The following SPTA1 variants were observed in gnomAD, a reference collection of about 807,000 sequenced individuals.
The protein encoded by SPTA1 is spectrin alpha, erythrocytic 1.
Under a neutral mutation model 324.7 loss-of-function variants are expected in SPTA1, and 177 were observed. That is an observed-to-expected ratio of 0.55 (90% CI 0.48 to 0.62). The LOEUF is 0.62. Ranked by LOEUF, SPTA1 falls within the 20% of genes least tolerant of loss-of-function variation. SPTA1 has a pLI of 0.00. For missense variants in SPTA1, 3,162 were observed against 2,883.6 expected, an observed-to-expected ratio of 1.10 and a Z score of -2.21; for synonymous variants, 1,195 against 1,041.3, an observed-to-expected ratio of 1.15 and a Z score of -2.84.
chr1:158,613,661 T>C, intron 50 of SPTA1, 60 bp downstream of exon 50: 1 of 1,609,040 alleles, frequency 6.2e-7, no homozygotes, highest in Non-Finnish European at 8.5e-7. Flanking sequence ...TTTTACTCTC[T>C]GTGCTTCTCC....
Position 158,614,308 on chromosome 1 carries a change from T to TTA in SPTA1, c.6789-3_6789-2insTA. ...TCTTCACTCACACCTTTGATGTCCC[T>TTA]GAAAGAAAAAAAAAAAACATGAATT... On this transcript the variant is annotated splice_polypyrimidine_tract_variant and splice_region_variant and intron_variant, in intron 48 of 51. Transcript: ENST00000643759. The TTA allele has an allele frequency of 6.5e-7, 1 of 1,536,508 alleles. No individual in the cohort carries two copies.
rs1217306214 is a variant in SPTA1, at chr1:158,639,852, G to A, written c.4875+18C>T. Reference sequence around the variant, plus strand: ...TGTATTAAACTCTTGTGTCTCTACTGTTTCCGGGTGCAATTACCTCTGAGA... The same window carrying A: ...TGTATTAAACTCTTGTGTCTCTACTATTTCCGGGTGCAATTACCTCTGAGA... On this transcript the variant is annotated intron_variant, in intron 34 of 51. Coordinates refer to ENST00000643759, the MANE Select transcript of SPTA1 (RefSeq NM_003126.4). 6.2e-7 allele frequency: 1 copy of A among 1,613,816 alleles called. No individual in the cohort carries two copies. The highest frequency in any genetic ancestry group is 1.3e-5 in the African/African-American group (1 of 74,904).
chr1:158,648,762 A>AC (rs939554198), intron 25 of SPTA1, 109 bp from the exon 26 acceptor site: 58 of 1,001,458 alleles, frequency 5.8e-5, no homozygotes, highest in African/African-American at 4.1e-4. Context: ...CCTCCCACCC[A>AC]CCCCCCCACC....
chr1:158,617,458 T>G lies in SPTA1; in HGVS notation c.6600+79A>C, dbSNP rs1475088050. On this transcript the variant is annotated intron_variant, in intron 47 of 51. Transcript: ENST00000643759. ...GTGATACATACCTAAAAGTATCACC[T>G]GGGCTTCCCTTAGGTGATTATTTTT... The G allele has an allele frequency of 2.5e-6, 3 of 1,209,750 alleles. No homozygotes were observed. In the African/African-American group the frequency reaches 4.5e-5, roughly 18 times the overall value. The allele number at this position is 1,209,750 out of a possible 1,614,324, so 74.9% of individuals were successfully genotyped here. A position where few individuals can be genotyped will look rare whatever the true frequency, so the allele number is the denominator to read the frequency against.
intron 27 of SPTA1, among the ~76,000 whole-genome samples, chr1:158,645,933 T>C (rs1028648983): frequency 6.6e-6 from 1 of 152,216 alleles, no homozygotes; most frequent in African/African-American, 2.4e-5. Context: ...AGCAGACATC[T>C]TCAATAAAAC....
chr1:158,611,069 T>C lies in SPTA1; in HGVS notation c.*195A>G. 2.8e-6 allele frequency: 2 copies of C among 719,008 alleles called. No homozygotes were observed. Among genetic ancestry groups the C allele is most frequent in the South Asian group, 3.5e-5 (2 of 57,022 alleles). The allele number at this position is 719,008 out of a possible 1,614,324, so 44.5% of individuals were successfully genotyped here. A position where few individuals can be genotyped will look rare whatever the true frequency, so the allele number is the denominator to read the frequency against. On this transcript the variant is annotated 3_prime_UTR_variant, in exon 52 of 52. Coordinates refer to ENST00000643759, the MANE Select transcript of SPTA1 (RefSeq NM_003126.4). ...ACTCCTCCAACTCTATTAACCTTTC[T>C]ATCTCCCACCCTTGAGATTTTTTAA... is the stretch of plus-strand genomic sequence containing the variant.
chr1:158,673,314 G>A (rs1329356336), intron 10 of SPTA1, among the ~76,000 whole-genome samples: 2 of 152,278 alleles, frequency 1.3e-5, no homozygotes, highest in South Asian at 2.1e-4. Context: ...AGTGCTAGAG[G>A]CTGTGCTTGG....
In SPTA1 at chr1:158,636,832, T is replaced by A. The variant is rs1188135167; in HGVS notation, c.5190-71A>T. ...ATGTCATCCTACAGCAATAGCTTTCTATGACTATGTGTGTGGCTGGTGGTG... is the reference window on the plus strand; with the variant it reads ...ATGTCATCCTACAGCAATAGCTTTCAATGACTATGTGTGTGGCTGGTGGTG... On this transcript the variant is annotated intron_variant, in intron 36 of 51. Transcript: ENST00000643759. The A allele has an allele frequency of 2.5e-6, 4 of 1,607,622 alleles. No individual in the cohort carries two copies. In the East Asian group the frequency reaches 8.9e-5, roughly 36 times the overall value.
chr1:158,666,271 A>G (rs1226849028), intron 16 of SPTA1, 45 bp downstream of exon 16: 1 of 1,604,674 alleles, frequency 6.2e-7, no homozygotes, highest in East Asian at 2.2e-5. Flanking sequence ...TGCTCAGAGC[A>G]TATACACCCA....
chr1:158,686,642 G>GAAAA lies in SPTA1; in HGVS notation c.-129_-126dup. 2 of 559,026 alleles carry GAAAA rather than the reference G, an allele frequency of 3.6e-6. No homozygotes were observed. Among genetic ancestry groups the GAAAA allele is most frequent in the Non-Finnish European group, 3.2e-6 (1 of 312,094 alleles). The allele number at this position is 559,026 out of a possible 1,614,324, so 34.6% of individuals were successfully genotyped here. A position where few individuals can be genotyped will look rare whatever the true frequency, so the allele number is the denominator to read the frequency against. On this transcript the variant is annotated 5_prime_UTR_variant, in exon 1 of 52. The change creates a premature stop within an existing upstream ORF in the 5' untranslated region. Coordinates refer to ENST00000643759, the MANE Select transcript of SPTA1 (RefSeq NM_003126.4). ...ATATAGAAACGTTAAGTATGTGGGG[G>GAAAA]AAAAAAAAAAACCTCTTGCTTGGTC...
At chr1:158,627,327 A>T (rs1190497540) in intron 40 of SPTA1, among the ~76,000 whole-genome samples, 1 of 152,224 alleles carries the variant, frequency 6.6e-6, no homozygotes. Context: ...TTCTATGGCC[A>T]AAGCTAGTGA....
intron 10 of SPTA1, among the ~76,000 whole-genome samples, chr1:158,674,068 C>T (rs970438581): frequency 1.3e-5 from 2 of 152,120 alleles, no homozygotes; most frequent in African/African-American, 2.4e-5. Context: ...GGAGAATGTA[C>T]ATGCATCGTA....
chr1:158,644,342 A>T lies in SPTA1; in HGVS notation c.4249T>A (p.Ser1417Thr). Residue 1417 changes from serine to threonine, a missense_variant, in exon 30 of 52, where the codon TCC becomes ACC. By Grantham distance (58) the Ser-to-Thr change is moderately conservative. Transcript: ENST00000643759. Reference protein sequence around the residue: ...VESWMVARENSLRSDDKSSLD... With the variant: ...VESWMVARENTLRSDDKSSLD... Reference sequence around the variant, plus strand: ...GAACTTTTGTCATCTGACCTCAGGGAATTCTCACGTGCCACCATCCAGCTC... The same window carrying T: ...GAACTTTTGTCATCTGACCTCAGGGTATTCTCACGTGCCACCATCCAGCTC... 6.2e-7 allele frequency: 1 copy of T among 1,613,880 alleles called. No individual in the cohort carries two copies. The highest frequency in any genetic ancestry group is 8.5e-7 in the Non-Finnish European group (1 of 1,179,902).
At chr1:158,612,724 G>T in intron 51 of SPTA1, 93 bp downstream of exon 51, 3 of 1,401,458 alleles carry the variant, frequency 2.1e-6, no homozygotes, top group East Asian at 2.3e-5. Flanking sequence ...AAAAACAAGT[G>T]GGTGGGTTTT....
At position 158,640,002 on chromosome 1, in the gene SPTA1, T is replaced by C; in HGVS notation, c.4743A>G (p.Gln1581=). 1 of 1,613,836 alleles carries C rather than the reference T, an allele frequency of 6.2e-7. No individual in the cohort carries two copies. The highest frequency in any genetic ancestry group is 1.1e-5 in the South Asian group (1 of 91,082). The change falls in exon 34 of 52, where the codon CAA becomes CAG. Residue 1581 remains glutamine, a synonymous_variant. Transcript: ENST00000643759. Reference sequence around the variant, plus strand: ...CCCAATGTTCCTTCAGCTGTTCCAGTTGCTCCTAACCCAAGGAGAGTGAGG... The same window carrying C: ...CCCAATGTTCCTTCAGCTGTTCCAGCTGCTCCTAACCCAAGGAGAGTGAGG... ...CDGNEEAMKE[Q]LEQLKEHWDH...
intron 24 of SPTA1, among the ~76,000 whole-genome samples, chr1:158,650,742 TC>T (rs1652363972): frequency 6.6e-6 from 1 of 152,198 alleles, no homozygotes. Flanking sequence ...GAATTTTAGA[TC>T]AGTTCAAATG....
intron 10 of SPTA1, 130 bp downstream of exon 10, chr1:158,674,199 T>G (rs1654238051): frequency 1.0e-6 from 1 of 990,564 alleles, no homozygotes; most frequent in African/African-American, 1.6e-5. Context: ...TGTAAAAGTT[T>G]GATTCATATT....
chr1:158,633,046 G>A (rs982967189), intron 39 of SPTA1, among the ~76,000 whole-genome samples: 5 of 152,168 alleles, frequency 3.3e-5, no homozygotes, highest in African/African-American at 9.7e-5. Flanking sequence ...CCAGAGTATG[G>A]TGCTGAGTGA....
rs1653317660 is a variant in SPTA1 at position 158,662,742 on chromosome 1, C to A, written c.2424G>T (p.Trp808Cys). 6.2e-7 allele frequency: 1 copy of A among 1,613,840 alleles called. No individual in the cohort carries two copies. The highest frequency in any genetic ancestry group is 8.5e-7 in the Non-Finnish European group (1 of 1,179,968). ...ICRDTEDEEA[W>C]IQETEPSATS... ...TAGCTGAGGGTTCAGTCTCTTGGATCCAGGCCTCCTCATCCTCTGTGTCTC... is the reference window on the plus strand; with the variant it reads ...TAGCTGAGGGTTCAGTCTCTTGGATACAGGCCTCCTCATCCTCTGTGTCTC... Residue 808 changes from tryptophan to cysteine, a missense_variant, in exon 17 of 52, where the codon TGG (tryptophan) becomes TGT (cysteine). Physicochemically the swap from Trp to Cys is radical, Grantham distance 215 (BLOSUM62 -2). Transcript: ENST00000643759.
Sources: allele counts gnomAD v4.1 joint callset (sites outside exome capture counted in the v4.1 genomes callset), GRCh38; gene constraint gnomAD v4.1.1; transcripts MANE v1.5; gene names NCBI Gene and HGNC (gene_info 2026-07-23, HGNC 2026-07-21).